The following FAT3 variants were observed in gnomAD, a reference collection of about 807,000 sequenced individuals.
FAT3 encodes the protein FAT atypical cadherin 3, also known as protocadherin Fat 3.
A neutral mutation model predicts 310.2 loss-of-function variants in FAT3; 95 were observed. The ratio of observed to expected loss-of-function variants is 0.31; its 90% CI spans 0.26 to 0.36. The LOEUF (loss-of-function observed/expected upper bound fraction) is 0.36, where lower values mean the gene tolerates loss of function less well. FAT3 is among the 10% of genes least tolerant of loss of function. The pLI is 1.00. For missense variants in FAT3, 5,408 were observed against 5,715.6 expected (o/e 0.95, Z 1.74); for synonymous variants, 2,314 against 2,192.9 (o/e 1.06, Z -1.54).
At chr11:92,888,132 G>T (rs191570331) in intron 25 of FAT3, among the ~76,000 whole-genome samples, 1 of 152,288 alleles carries the variant, frequency 6.6e-6, no homozygotes, top group Non-Finnish European at 1.5e-5. Flanking sequence ...GGAAGTAAAA[G>T]AGCCTATTTT....
intron 2 of FAT3, among the ~76,000 whole-genome samples, chr11:92,385,366 A>T (rs1949592973): frequency 6.6e-6 from 1 of 151,898 alleles, no homozygotes. Flanking sequence ...ACAGAGTCTT[A>T]TTTTATTTTA....
At chr11:92,671,253 C>T (rs1322801178) in intron 3 of FAT3, among the ~76,000 whole-genome samples, 1 of 152,044 alleles carries the variant, frequency 6.6e-6, no homozygotes, top group Non-Finnish European at 1.5e-5. Flanking sequence ...TCATGTTGGT[C>T]AGGCTGGTCT....
intron 3 of FAT3, among the ~76,000 whole-genome samples, chr11:92,614,819 T>A (rs955934805): frequency 5.0e-4 from 76 of 152,348 alleles, no homozygotes; most frequent in African/African-American, 1.7e-3. Context: ...ATCTTATATT[T>A]TCTTCTAAAA....
chr11:92,368,803 A>G (rs1949090486), intron 2 of FAT3, among the ~76,000 whole-genome samples: 1 of 145,882 alleles, frequency 6.9e-6, no homozygotes, highest in Non-Finnish European at 1.5e-5. Context: ...CTACACTGGA[A>G]TGGCTAACAA....
At chr11:92,696,982 G>A (rs1486372080) in intron 3 of FAT3, among the ~76,000 whole-genome samples, 1 of 152,160 alleles carries the variant, frequency 6.6e-6, no homozygotes, top group African/African-American at 2.4e-5. Context: ...AGAAAGTACT[G>A]TTTCATAGTC....
At chr11:92,741,494 T>C (rs561269964) in intron 4 of FAT3, among the ~76,000 whole-genome samples, 1 of 152,352 alleles carries the variant, frequency 6.6e-6, no homozygotes, top group South Asian at 2.1e-4. Flanking sequence ...TCTCACATTC[T>C]CCTGGAAAGC....
At chr11:92,813,903 C>A (rs530558477) in intron 13 of FAT3, among the ~76,000 whole-genome samples, 3 of 152,204 alleles carry the variant, frequency 2.0e-5, no homozygotes, top group Admixed American at 2.0e-4. Flanking sequence ...AAAATTCATA[C>A]GTTGGAACCT....
chr11:92,462,271 G>A (rs1951656141), intron 2 of FAT3, among the ~76,000 whole-genome samples: 1 of 151,988 alleles, frequency 6.6e-6, no homozygotes, highest in Admixed American at 6.6e-5. Context: ...TCATCATCCA[G>A]GGAGTAAGCA....
chr11:92,885,892 G>A (rs138213148), intron 24 of FAT3, among the ~76,000 whole-genome samples: 158 of 152,212 alleles, frequency 1.0e-3, no homozygotes, highest in East Asian at 3.5e-3. Context: ...CACTTACATC[G>A]GTCGTTTAGC....
chr11:92,779,664 T>C (rs532360516), intron 7 of FAT3, among the ~76,000 whole-genome samples: 1 of 152,314 alleles, frequency 6.6e-6, no homozygotes, highest in East Asian at 1.9e-4. Flanking sequence ...AAGATGTTCA[T>C]GTTCTAATCT....
rs3847531 is a variant in FAT3 at position 92,801,276 on chromosome 11, A to G, written c.8263A>G (p.Ile2755Val). 0.86 allele frequency: 1,382,107 copies of G among 1,613,632 alleles called. 593,017 individuals are homozygous for G. Among genetic ancestry groups the G allele is most frequent in the East Asian group, 0.93 (41,501 of 44,824 alleles). Residue 2755 changes from isoleucine (I) to valine (V), a missense_variant, in exon 10 of 28, where the codon ATA becomes GTA. Ile to Val is a conservative substitution (Grantham distance 29). Transcript: ENST00000525166. ...GERPENNKGG[I>V]FVIEQETGTI... ...ACGGCCAGAAAATAACAAAGGGGGCATATTCGTCATAGAACAGGAAACAGG... is the reference window on the plus strand; with the variant it reads ...ACGGCCAGAAAATAACAAAGGGGGCGTATTCGTCATAGAACAGGAAACAGG...
At chr11:92,469,826 T>G (rs2068078850) in intron 2 of FAT3, among the ~76,000 whole-genome samples, 2 of 152,250 alleles carry the variant, frequency 1.3e-5, no homozygotes, top group Middle Eastern at 6.8e-3. Context: ...AATTTGTGAT[T>G]ATTAAAGATA....
At chr11:92,830,918 G>A (rs918829397) in intron 13 of FAT3, among the ~76,000 whole-genome samples, 9 of 152,168 alleles carry the variant, frequency 5.9e-5, no homozygotes, top group African/African-American at 2.2e-4. Flanking sequence ...TAGAATAGAT[G>A]TGGAACCTGA....
chr11:92,712,770 A>G (rs1235178778), intron 4 of FAT3, among the ~76,000 whole-genome samples: 1 of 152,192 alleles, frequency 6.6e-6, no homozygotes, highest in African/African-American at 2.4e-5. Context: ...AACAAATGAC[A>G]AGGGCAGTTC....
At chr11:92,501,992 C>T (rs1277389420) in intron 2 of FAT3, among the ~76,000 whole-genome samples, 1 of 151,978 alleles carries the variant, frequency 6.6e-6, no homozygotes, top group Non-Finnish European at 1.5e-5. Context: ...TGTATTTCCA[C>T]CTGTCTCTAA....
At chr11:92,684,952 G>T (rs1249023375) in intron 3 of FAT3, among the ~76,000 whole-genome samples, 2 of 152,134 alleles carry the variant, frequency 1.3e-5, no homozygotes. Context: ...GTTTTGGAAG[G>T]ATTAACTCAT....
chr11:92,313,878 A>T (rs1947369642), intron 1 of FAT3, among the ~76,000 whole-genome samples: 1 of 152,212 alleles, frequency 6.6e-6, no homozygotes, highest in Admixed American at 6.5e-5. Context: ...TTTTTCCAGT[A>T]AGCCACTTGG....
At chr11:92,337,010 C>G (rs1380495610) in intron 1 of FAT3, among the ~76,000 whole-genome samples, 2 of 152,202 alleles carry the variant, frequency 1.3e-5, no homozygotes, top group Non-Finnish European at 2.9e-5. Flanking sequence ...CCCTCAGAAG[C>G]ATTGTTTTAC....
chr11:92,544,622 G>A (rs962777232), intron 3 of FAT3, among the ~76,000 whole-genome samples: 1 of 152,092 alleles, frequency 6.6e-6, no homozygotes, highest in Non-Finnish European at 1.5e-5. Flanking sequence ...GTACTAAATT[G>A]CACTATAAAA....
Sources: allele counts gnomAD v4.1 joint callset (sites outside exome capture counted in the v4.1 genomes callset), GRCh38; gene constraint gnomAD v4.1.1; transcripts MANE v1.5; gene names NCBI Gene and HGNC (gene_info 2026-07-23, HGNC 2026-07-21).